The following RNF144A variants were observed in gnomAD, a reference collection of about 807,000 sequenced individuals.
The protein encoded by RNF144A is E3 ubiquitin-protein ligase RNF144A.
RNF144A carries 11 observed loss-of-function variants against 38.7 expected under a neutral mutation model. That is an observed-to-expected ratio of 0.28 (90% CI 0.18 to 0.47). The LOEUF is 0.47. RNF144A is among the 20% of genes least tolerant of loss of function. The probability of loss-of-function intolerance (pLI) is 0.99; values close to 1 mark genes in which losing one functional copy is unlikely to be tolerated. For synonymous variants in RNF144A, 149 were observed against 143.9 expected, an observed-to-expected ratio of 1.04 and a Z score of -0.25; for missense variants, 316 against 377.2, an observed-to-expected ratio of 0.84 and a Z score of 1.34.
intron 8 of RNF144A, among the ~76,000 whole-genome samples, chr2:7,036,513 T>C (rs1340844244): frequency 6.6e-6 from 1 of 152,222 alleles, no homozygotes; most frequent in Middle Eastern, 3.2e-3. Flanking sequence ...GTTCTAAGGG[T>C]ATTTCTCACT....
chr2:7,018,854 A>G (rs1671322181), intron 5 of RNF144A, among the ~76,000 whole-genome samples: 1 of 151,750 alleles, frequency 6.6e-6, no homozygotes, highest in Non-Finnish European at 1.5e-5. Flanking sequence ...CACCCCTAAC[A>G]TTCTGACAGT....
chr2:7,046,719 C>T (rs1458501356), downstream of RNF144A, among the ~76,000 whole-genome samples: 3 of 152,116 alleles, frequency 2.0e-5, no homozygotes, highest in Non-Finnish European at 4.4e-5. Context: ...TCATGCTACC[C>T]AGGGGTGCAA....
chr2:7,053,168 C>A (rs1339657021), intron 6 of RNF144A, among the ~76,000 whole-genome samples: 1 of 152,152 alleles, frequency 6.6e-6, no homozygotes, highest in Non-Finnish European at 1.5e-5. Flanking sequence ...AGGCATCTAT[C>A]TACCGTTTCT....
At chr2:7,030,069 T>G (rs1044326422) in intron 7 of RNF144A, 57 bp from the exon 8 acceptor site, 1 of 1,186,336 alleles carries the variant, frequency 8.4e-7, no homozygotes, top group African/African-American at 1.5e-5. Flanking sequence ...GCTGTGATAC[T>G]CACCGAACTG....
intron 6 of RNF144A, among the ~76,000 whole-genome samples, chr2:7,064,067 A>G (rs569135486): frequency 6.6e-6 from 1 of 152,298 alleles, no homozygotes; most frequent in East Asian, 1.9e-4. Context: ...TGGCTTTATA[A>G]ACAAACCAGG....
intron 2 of RNF144A, among the ~76,000 whole-genome samples, chr2:6,995,507 C>T (rs1414912796): frequency 1.3e-5 from 2 of 152,166 alleles, no homozygotes; most frequent in Non-Finnish European, 2.9e-5. Flanking sequence ...GCAAGGAAGC[C>T]AGTCCAAGTC....
intron 7 of RNF144A, among the ~76,000 whole-genome samples, chr2:7,024,869 C>T (rs540997437): frequency 6.6e-6 from 1 of 152,220 alleles, no homozygotes; most frequent in East Asian, 1.9e-4. Flanking sequence ...GGTTAAATGA[C>T]AGACATTTAT....
intron 6 of RNF144A, among the ~76,000 whole-genome samples, chr2:7,060,844 C>G (rs900527173): frequency 6.6e-6 from 1 of 152,180 alleles, no homozygotes; most frequent in Non-Finnish European, 1.5e-5. Context: ...TTCTTATGCT[C>G]TAGTAGCATG....
At chr2:7,023,196 T>A (rs1671652408) in intron 6 of RNF144A, among the ~76,000 whole-genome samples, 1 of 152,242 alleles carries the variant, frequency 6.6e-6, no homozygotes, top group Non-Finnish European at 1.5e-5. Flanking sequence ...CATTATTTCT[T>A]ACTCTGTTGC....
Position 6,969,538 on chromosome 2 carries a change from C to G in RNF144A, c.-11-27378C>G, listed in dbSNP as rs114125177. On this transcript the variant is annotated intron_variant, in intron 2 of 8. Transcript: ENST00000320892. ...AGAAAATACATTTCTGTTATTGGAGCCACTCAGTCTGTGGTGTTTGTCACT... is the reference window on the plus strand; with the variant it reads ...AGAAAATACATTTCTGTTATTGGAGGCACTCAGTCTGTGGTGTTTGTCACT... 6.3e-3 allele frequency among the ~76,000 whole-genome samples: 952 copies of G among 152,284 alleles called. 11 individuals carry two copies. Among genetic ancestry groups the G allele is most frequent in the African/African-American group, 0.022 (901 of 41,552 alleles).
intron 3 of RNF144A, among the ~76,000 whole-genome samples, chr2:7,014,034 A>G (rs758339947): frequency 5.3e-5 from 8 of 152,234 alleles, no homozygotes; most frequent in Non-Finnish European, 1.2e-4. Flanking sequence ...GAACAGTCAT[A>G]CCTTTCTTGT....
rs1408784841 is a variant in RNF144A at position 7,020,549 on chromosome 2, G to A, written c.378G>A (p.Gly126=). ...CTGTGTGTCAGCTCCAGGACGTGGG[G>A]CTGCAGACCCCCCAGCCAGTGCAGT... ...CQAVCQLQDV[G]LQTPQPVQCK... is the part of the protein sequence containing the mutation. The change falls in exon 6 of 9, where the codon GGG becomes GGA. Residue 126 remains glycine (G), a synonymous_variant. Coordinates refer to ENST00000320892, the MANE Select transcript of RNF144A (RefSeq NM_014746.6). 1 of 1,613,508 alleles carries A rather than the reference G, an allele frequency of 6.2e-7. No individual in the cohort carries two copies.
intron 6 of RNF144A, among the ~76,000 whole-genome samples, chr2:7,050,374 A>G (rs1673472914): frequency 6.6e-6 from 1 of 152,204 alleles, no homozygotes; most frequent in South Asian, 2.1e-4. Flanking sequence ...ACCTTCTGCC[A>G]TGATTGTGGG....
chr2:6,974,209 A>G (rs1482899432), intron 2 of RNF144A, among the ~76,000 whole-genome samples: 1 of 152,204 alleles, frequency 6.6e-6, no homozygotes, highest in East Asian at 1.9e-4. Flanking sequence ...GGAGAATGGC[A>G]GTTGTAGCAT....
intron 1 of RNF144A, among the ~76,000 whole-genome samples, chr2:6,936,101 T>C (rs991410736): frequency 5.9e-5 from 9 of 152,240 alleles, no homozygotes; most frequent in African/African-American, 2.2e-4. Context: ...TTCACTGTTA[T>C]TGCTTGTGCA....
downstream of RNF144A, among the ~76,000 whole-genome samples, chr2:7,071,081 C>T (rs527833460): frequency 5.9e-4 from 89 of 152,064 alleles, no homozygotes; most frequent in African/African-American, 1.9e-3. Flanking sequence ...ATTACAGGAG[C>T]GTGCCACCAT....
chr2:6,944,137 C>G lies in RNF144A; in HGVS notation c.-12+2990C>G, dbSNP rs528120310. On this transcript the variant is annotated intron_variant, in intron 2 of 8. Transcript: ENST00000320892. The surrounding 1 kb of genome is among the most constrained non-coding windows in gnomAD (Gnocchi z 4.7). Reference sequence around the variant, plus strand: ...GAGACAGGGAAGTGAGGAGAGAGGACAGCGGGTCTGAGGGAGGAAGGAGCA... The same window carrying G: ...GAGACAGGGAAGTGAGGAGAGAGGAGAGCGGGTCTGAGGGAGGAAGGAGCA... Among the ~76,000 whole-genome samples the G allele has an allele frequency of 3.9e-5, 6 of 152,154 alleles. No individual in the cohort carries two copies. In the East Asian group the frequency reaches 1.2e-3, roughly 29 times the overall value.
intron 3 of RNF144A, among the ~76,000 whole-genome samples, chr2:7,006,467 T>A (rs309316): frequency 1.3e-5 from 2 of 151,830 alleles, no homozygotes; most frequent in Non-Finnish European, 2.9e-5. Flanking sequence ...AAGGGACACC[T>A]GCCTCCTCAA....
chr2:6,938,202 A>C (rs1665713325), intron 1 of RNF144A, among the ~76,000 whole-genome samples: 1 of 149,050 alleles, frequency 6.7e-6, no homozygotes, highest in Non-Finnish European at 1.5e-5. Flanking sequence ...ATTTTTTTCC[A>C]CTTGGCATGT....
Sources: allele counts gnomAD v4.1 joint callset (sites outside exome capture counted in the v4.1 genomes callset), GRCh38; gene constraint gnomAD v4.1.1; non-coding constraint Gnocchi (gnomAD v3.1); transcripts MANE v1.5; gene names NCBI Gene and HGNC (gene_info 2026-07-23, HGNC 2026-07-21).